POLQ: variants seen among roughly 807,000 people sequenced by gnomAD.
The protein encoded by POLQ is DNA polymerase theta, also known as epididymis secretory sperm binding protein.
In POLQ, 233 loss-of-function variants were observed where a neutral mutation model predicts 259.2. The observed-to-expected ratio is 0.90, with a 90% CI of 0.81 to 1.00. POLQ has a LOEUF of 1.00. POLQ is among the 50% of genes least tolerant of loss of function. The pLI is 0.00. For missense variants in POLQ, 2,871 were observed against 3,051.6 expected (o/e 0.94, Z 1.39); for synonymous variants, 1,025 against 1,048.8 (o/e 0.98, Z 0.44).
chr3:121,460,256 A>T, intron 24 of POLQ, 22 bp from the exon 25 acceptor site: 1 of 1,573,406 alleles, frequency 6.4e-7, no homozygotes, highest in Non-Finnish European at 8.7e-7. Context: ...GTGATTTCAG[A>T]AAAGCTAGTA....
intron 4 of POLQ, among the ~76,000 whole-genome samples, chr3:121,538,425 C>T (rs2048465771): frequency 6.6e-6 from 1 of 151,884 alleles, no homozygotes; most frequent in Non-Finnish European, 1.5e-5. Flanking sequence ...TCTCCCCACC[C>T]CAAATTCTCC....
intron 6 of POLQ, among the ~76,000 whole-genome samples, chr3:121,530,223 C>A (rs2048401551): frequency 6.6e-6 from 1 of 152,026 alleles, no homozygotes; most frequent in Non-Finnish European, 1.5e-5. Context: ...TTTGGGTGCC[C>A]ATACAACTCT....
chr3:121,435,928 T>C, intron 28 of POLQ, among the ~76,000 whole-genome samples, 194 bp downstream of exon 28: 1 of 152,232 alleles, frequency 6.6e-6, no homozygotes, highest in East Asian at 1.9e-4. Context: ...ATTTATAATA[T>C]GGTAAATATA....
chr3:121,466,456 C>T (rs1367200061), intron 24 of POLQ, among the ~76,000 whole-genome samples: 2 of 151,446 alleles, frequency 1.3e-5, no homozygotes, highest in East Asian at 1.9e-4. Context: ...TTTGGGAAGC[C>T]GAGGCAGGCG....
intron 12 of POLQ, among the ~76,000 whole-genome samples, chr3:121,503,700 T>G (rs771877859): frequency 4.6e-5 from 7 of 152,208 alleles, no homozygotes; most frequent in Non-Finnish European, 8.8e-5. Context: ...TGATATAAAA[T>G]GATAGTGTCT....
chr3:121,486,870 G>T, intron 16 of POLQ, among the ~76,000 whole-genome samples: 1 of 140,784 alleles, frequency 7.1e-6, no homozygotes, highest in South Asian at 2.3e-4. Flanking sequence ...CAAAGAAAGA[G>T]GAAAGAAAGA....
chr3:121,432,263 T>G lies in POLQ; in HGVS notation c.*41A>C, dbSNP rs1177515087. ...TCTCTGTTCTTTCCAGGTGACTGCA[T>G]CTGCACAGGCTTCCCTGGGAGGACT... On this transcript the variant is annotated 3_prime_UTR_variant, in exon 30 of 30. Coordinates refer to ENST00000264233, the MANE Select transcript of POLQ (RefSeq NM_199420.4). 1 of 1,553,884 alleles carries G rather than the reference T, an allele frequency of 6.4e-7. No individual in the cohort carries two copies.
intron 16 of POLQ, among the ~76,000 whole-genome samples, chr3:121,486,579 T>C (rs556746015): frequency 6.6e-6 from 1 of 151,724 alleles, no homozygotes; most frequent in Non-Finnish European, 1.5e-5. Flanking sequence ...TAATAATTCA[T>C]GGGGCTGGGC....
In POLQ at chr3:121,489,901, T is replaced by A; in HGVS notation, c.3030A>T (p.Thr1010=). The change falls in exon 16 of 30, where the codon ACA becomes ACT. Residue 1010 remains threonine, a synonymous_variant. Transcript: ENST00000264233. The stretch of plus-strand genomic sequence containing the variant: ...AAGTCTGAACAACTTTCTTATCACT[T>A]GTTTTCCCCTCATTCTGAGAGGCTC... The part of the protein sequence containing the change: ...KPGASQNEGK[T]SDKKVVQTFS... The A allele has an allele frequency of 6.3e-7, 1 of 1,595,818 alleles. No individual in the cohort carries two copies.
rs1253398800 is a variant in POLQ at position 121,476,737 on chromosome 3, G to A, written c.6212-4C>T. ...ATTTCCACCTTACGGAAAACATCTG[G>A]AAGAAAAAAGAAAATTAAAACGTTA... is the stretch of plus-strand genomic sequence containing the variant. On this transcript the variant is annotated splice_polypyrimidine_tract_variant and splice_region_variant and intron_variant, in intron 19 of 29. Coordinates refer to ENST00000264233, the MANE Select transcript of POLQ (RefSeq NM_199420.4). 3 of 1,590,292 alleles carry A rather than the reference G, an allele frequency of 1.9e-6. No homozygotes were observed. The South Asian group carries it at 3.4e-5, about 18-fold the overall frequency.
chr3:121,511,729 G>T (rs2048256754), intron 10 of POLQ, among the ~76,000 whole-genome samples, 158 bp downstream of exon 10: 1 of 152,190 alleles, frequency 6.6e-6, no homozygotes, highest in Non-Finnish European at 1.5e-5. Context: ...AGTGAGCTGA[G>T]ATCATGCCAT....
intron 9 of POLQ, among the ~76,000 whole-genome samples, chr3:121,514,944 T>C (rs1299319203): frequency 1.3e-5 from 2 of 152,168 alleles, no homozygotes; most frequent in East Asian, 3.9e-4. Flanking sequence ...CAGTGCATTC[T>C]GGAAAGAAGC....
chr3:121,488,790 G>A lies in POLQ; in HGVS notation c.4141C>T (p.Pro1381Ser), dbSNP rs3218642. ...TGATCTATCTTAGTCGCTCCTAGAG[G>A]GTGCTGTTCAGCAGGAAAAGGAATG... Reference protein sequence around the residue: ...CHIPFPAEQHPLGATKIDHLD... With the variant: ...CHIPFPAEQHSLGATKIDHLD... Residue 1381 changes from proline (P) to serine (S), a missense_variant, in exon 16 of 30, where the codon CCT becomes TCT. Pro to Ser is a moderately conservative substitution (Grantham distance 74). Around this residue, in one of 3 missense-constraint regions of POLQ, gnomAD observed 2,080 missense variants for 2,126.0 expected, o/e 0.98. Transcript: ENST00000264233. 1.2e-6 allele frequency: 2 copies of A among 1,613,780 alleles called. No homozygotes were observed. The highest frequency in any genetic ancestry group is 1.7e-5 in the Admixed American group (1 of 59,968).
chr3:121,436,195 C>T lies in POLQ; in HGVS notation c.7470G>A (p.Lys2490=). The change falls in exon 28 of 30, where the codon AAG becomes AAA. Residue 2490 remains lysine (K), a synonymous_variant. Coordinates refer to ENST00000264233, the MANE Select transcript of POLQ (RefSeq NM_199420.4). ...IVKIATVNIQ[K]QLETFHSTFK... ...AGGTTGAGTGGAAGGTCTCTAATTG[C>T]TTCTGAATGTTAACTGTGGCTATTT... 1 of 1,613,746 alleles carries T rather than the reference C, an allele frequency of 6.2e-7. No homozygotes were observed.
At chr3:121,513,727 T>C (rs953361555) in intron 9 of POLQ, among the ~76,000 whole-genome samples, 2 of 150,628 alleles carry the variant, frequency 1.3e-5, no homozygotes, top group Non-Finnish European at 2.9e-5. Flanking sequence ...AACACCTTTG[T>C]GAAAACCCCA....
At chr3:121,538,181 T>G (rs1190593496) in intron 4 of POLQ, among the ~76,000 whole-genome samples, 1 of 152,018 alleles carries the variant, frequency 6.6e-6, no homozygotes, top group Non-Finnish European at 1.5e-5. Flanking sequence ...AGAAAAAACA[T>G]AAGAGGGTCC....
At chr3:121,473,625 A>T in intron 20 of POLQ, 138 bp from the exon 21 acceptor site, 2 of 791,694 alleles carry the variant, frequency 2.5e-6, no homozygotes, top group Non-Finnish European at 4.0e-6. Flanking sequence ...ATAATTTGGA[A>T]TTACCATATT....
At chr3:121,435,909 C>T (rs73855392) in intron 28 of POLQ, among the ~76,000 whole-genome samples, 2,124 of 152,062 alleles carry the variant, frequency 0.014, 53 homozygotes, top group African/African-American at 0.048. Context: ...TTTAAAATTC[C>T]CTGTTTTAAT....
At chr3:121,465,074 GT>G (rs1031663114) in intron 24 of POLQ, among the ~76,000 whole-genome samples, 2 of 148,994 alleles carry the variant, frequency 1.3e-5, no homozygotes, top group Non-Finnish European at 3.0e-5. Context: ...TACTGGAAAT[GT>G]TTTTTTTCTT....
Sources: allele counts gnomAD v4.1 joint callset (sites outside exome capture counted in the v4.1 genomes callset), GRCh38; gene constraint gnomAD v4.1.1; regional missense constraint gnomAD v4.1.1; transcripts MANE v1.5; gene names NCBI Gene and HGNC (gene_info 2026-07-23, HGNC 2026-07-21).